MKX: variants seen among roughly 807,000 people sequenced by gnomAD.
The protein encoded by MKX is mohawk homeobox.
Under a neutral mutation model 36.0 loss-of-function variants are expected in MKX, and 13 were observed. The ratio of observed to expected loss-of-function variants is 0.36; its 90% CI spans 0.24 to 0.57. MKX has a LOEUF of 0.57. Among genes scored for constraint, MKX ranks in the 20% least tolerant of loss-of-function variants. MKX has a pLI of 0.79. For missense variants in MKX, 458 were observed against 456.4 expected (o/e 1.00, Z -0.03); for synonymous variants, 176 against 178.3 (o/e 0.99, Z 0.10).
At chr10:27,692,913 G>A (rs1836481122) in intron 5 of MKX, among the ~76,000 whole-genome samples, 4 of 152,204 alleles carry the variant, frequency 2.6e-5, no homozygotes, top group Admixed American at 2.6e-4. Context: ...GACTAGGGTA[G>A]AGATCCACCA....
intron 5 of MKX, among the ~76,000 whole-genome samples, chr10:27,677,459 A>T (rs1345031989): frequency 6.6e-6 from 1 of 152,238 alleles, no homozygotes; most frequent in Non-Finnish European, 1.5e-5. Flanking sequence ...CATGATCGTC[A>T]TATAGTCTAA....
At chr10:27,718,929 A>G (rs1164517501) in intron 5 of MKX, among the ~76,000 whole-genome samples, 7 of 152,222 alleles carry the variant, frequency 4.6e-5, no homozygotes, top group Non-Finnish European at 1.0e-4. Flanking sequence ...GTTGATATTC[A>G]GAATCTATGC....
Position 27,675,515 on chromosome 10 carries a change from G to T in MKX, c.872+6C>A. The T allele has an allele frequency of 6.2e-7, 1 of 1,614,106 alleles. No individual in the cohort carries two copies. Among genetic ancestry groups the T allele is most frequent in the Non-Finnish European group, 8.5e-7 (1 of 1,180,002 alleles). On this transcript the variant is annotated splice_donor_region_variant and intron_variant, in intron 6 of 6. Transcript: ENST00000419761. ...CAGGAACGGCCAATGGGAACATTTT[G>T]CTCACCTTTCACCCTTATTGGATCC...
intron 5 of MKX, among the ~76,000 whole-genome samples, chr10:27,710,634 T>G (rs912033461): frequency 6.6e-6 from 1 of 152,154 alleles, no homozygotes; most frequent in Non-Finnish European, 1.5e-5. Context: ...AACTCCATAT[T>G]TCTGCTAGTT....
At chr10:27,699,124 G>A (rs375034373) in intron 5 of MKX, among the ~76,000 whole-genome samples, 177 of 152,276 alleles carry the variant, frequency 1.2e-3, no homozygotes, top group Middle Eastern at 3.4e-3. Flanking sequence ...TTCCTTAAGC[G>A]AAGAAACAGA....
At chr10:27,731,617 T>A (rs1834631350) in intron 5 of MKX, among the ~76,000 whole-genome samples, 1 of 151,684 alleles carries the variant, frequency 6.6e-6, no homozygotes, top group Non-Finnish European at 1.5e-5. Flanking sequence ...AAACCAGAAG[T>A]TTACATGTCT....
chr10:27,735,114 C>A, intron 4 of MKX, 107 bp downstream of exon 4: 2 of 1,057,146 alleles, frequency 1.9e-6, no homozygotes, highest in South Asian at 4.5e-5. Context: ...AAAAAAGAAC[C>A]GTTAAGGCAC....
Position 27,674,233 on chromosome 10 carries a change from G to A in MKX, c.*996C>T, listed in dbSNP as rs1469390645. ...AAAAATCAATTTTATGTATGTATAT[G>A]TATAGCCGCACAGAGATACATTTCT... On this transcript the variant is annotated 3_prime_UTR_variant, in exon 7 of 7. Coordinates refer to ENST00000419761, the MANE Select transcript of MKX (RefSeq NM_173576.3). The A allele has an allele frequency of 6.6e-6, 1 of 152,156 alleles. No homozygotes were observed. Among genetic ancestry groups the A allele is most frequent in the Non-Finnish European group, 1.5e-5 (1 of 68,020 alleles). 9.4% of individuals were successfully genotyped at this position (152,156 alleles called of 1,614,324 possible). A position where few individuals can be genotyped will look rare whatever the true frequency, so the allele number is the denominator to read the frequency against.
Position 27,691,653 on chromosome 10 carries a change from C to T in MKX, c.839-16099G>A, listed in dbSNP as rs11015948. Among the ~76,000 whole-genome samples the T allele has an allele frequency of 0.015, 2,339 of 152,226 alleles. 153 individuals carry two copies. The East Asian group carries it at 0.2, about 13-fold the overall frequency. ...GTTTGGGGTATGAAGGATCCTGAAA[C>T]TCAGTAGTGAGCACAGTACCCGATA... On this transcript the variant is annotated intron_variant, in intron 5 of 6. Transcript: ENST00000419761.
At chr10:27,686,438 GAAGGAA>G (rs1431498191) in intron 5 of MKX, among the ~76,000 whole-genome samples, 147 of 145,506 alleles carry the variant, frequency 1.0e-3, no homozygotes, top group African/African-American at 3.8e-3. Context: ...AGGAAGGAAG[GAAGGAA>G]GGAAAGAGGG....
intron 5 of MKX, among the ~76,000 whole-genome samples, chr10:27,727,004 A>AAT (rs1160639493): frequency 5.9e-5 from 9 of 152,052 alleles, no homozygotes; most frequent in Non-Finnish European, 1.3e-4. Context: ...AGGAACTTTT[A>AAT]ATATATATAT....
intron 5 of MKX, among the ~76,000 whole-genome samples, chr10:27,693,996 C>T (rs1836501808): frequency 6.6e-6 from 1 of 152,044 alleles, no homozygotes; most frequent in Admixed American, 6.6e-5. Context: ...AAGGGGTTTC[C>T]CCTTTTGCTT....
At chr10:27,726,614 T>C (rs1834494220) in intron 5 of MKX, among the ~76,000 whole-genome samples, 1 of 152,154 alleles carries the variant, frequency 6.6e-6, no homozygotes, top group South Asian at 2.1e-4. Context: ...TCTCTGGAAG[T>C]CACTCCTTTA....
chr10:27,699,291 C>T (rs1459867512), intron 5 of MKX, among the ~76,000 whole-genome samples: 1 of 152,128 alleles, frequency 6.6e-6, no homozygotes, highest in Admixed American at 6.5e-5. Flanking sequence ...ATTTTAGCCA[C>T]AAGGTGCCCT....
intron 5 of MKX, among the ~76,000 whole-genome samples, chr10:27,708,110 T>C (rs1836788588): frequency 6.6e-6 from 1 of 152,228 alleles, no homozygotes; most frequent in East Asian, 1.9e-4. Flanking sequence ...GTTGATTTAA[T>C]TTAAAAAAAA....
chr10:27,680,338 C>T (rs1162095798), intron 5 of MKX, among the ~76,000 whole-genome samples: 2 of 135,168 alleles, frequency 1.5e-5, no homozygotes, highest in African/African-American at 2.8e-5. Context: ...GCCAAAAGAG[C>T]GTGTTTTAAG....
intron 5 of MKX, among the ~76,000 whole-genome samples, chr10:27,692,692 A>G (rs1055536347): frequency 6.6e-6 from 1 of 152,250 alleles, no homozygotes; most frequent in Admixed American, 6.5e-5. Flanking sequence ...GGGTAGGATA[A>G]TAAGCTTTTA....
rs527883535 is a variant in MKX, at chr10:27,675,788, C to G, written c.839-234G>C. On this transcript the variant is annotated intron_variant, in intron 5 of 6. Coordinates refer to ENST00000419761, the MANE Select transcript of MKX (RefSeq NM_173576.3). The stretch of plus-strand genomic sequence containing the variant: ...ATAAAAGGTAGCTCTCATAGATACA[C>G]AAAAATCTGAAGTTATTTACTCTGA... Among the ~76,000 whole-genome samples the G allele has an allele frequency of 9.2e-5, 14 of 152,250 alleles. No homozygotes were observed. In the South Asian group the frequency reaches 2.9e-3, roughly 32 times the overall value.
At chr10:27,745,100 C>T (rs960066645) in intron 1 of MKX, among the ~76,000 whole-genome samples, 5 of 151,822 alleles carry the variant, frequency 3.3e-5, no homozygotes, top group Non-Finnish European at 7.4e-5. Flanking sequence ...TTTATTTGTA[C>T]AAGACACCCT....
Sources: gnomAD v4.1 joint callset for allele counts (sites outside exome capture counted in the v4.1 genomes callset) on GRCh38, gnomAD v4.1.1 for gene constraint, MANE v1.5 for transcripts, NCBI Gene and HGNC (gene_info 2026-07-23, HGNC 2026-07-21) for gene names.